Variants in LHFPL6 observed in about 807,000 individuals in gnomAD.
LHFPL6 encodes LHFPL tetraspan subfamily member 6.
In LHFPL6, 9 loss-of-function variants were observed where a neutral mutation model predicts 20.6. That is an observed-to-expected ratio of 0.44 (90% confidence interval 0.26 to 0.76). The LOEUF (loss-of-function observed/expected upper bound fraction) is 0.76, where lower values mean the gene tolerates loss of function less well. LHFPL6 is among the 30% of genes least tolerant of loss of function. LHFPL6 has a pLI of 0.20. For synonymous variants in LHFPL6, 105 were observed against 98.7 expected (o/e 1.06, Z -0.38); for missense variants, 218 against 253.5 (o/e 0.86, Z 0.95).
chr13:39,563,078 G>A, intron 2 of LHFPL6, among the ~76,000 whole-genome samples: 1 of 126,482 alleles, frequency 7.9e-6, no homozygotes, highest in Non-Finnish European at 1.7e-5. Context: ...AAAGGTCATG[G>A]GGCAATACTA....
intron 2 of LHFPL6, among the ~76,000 whole-genome samples, chr13:39,438,726 G>A (rs1414620123): frequency 6.6e-6 from 1 of 152,200 alleles, no homozygotes; most frequent in South Asian, 2.1e-4. Flanking sequence ...GGTTCAAAGG[G>A]GCCCAGGTAA....
intron 3 of LHFPL6, among the ~76,000 whole-genome samples, chr13:39,370,734 C>G (rs1870142674): frequency 6.6e-6 from 1 of 152,204 alleles, no homozygotes; most frequent in Non-Finnish European, 1.5e-5. Context: ...CCTGCCTGAG[C>G]ATGAAGCAAC....
At chr13:39,535,699 G>A (rs915889560) in intron 2 of LHFPL6, among the ~76,000 whole-genome samples, 2 of 152,178 alleles carry the variant, frequency 1.3e-5, no homozygotes, top group Non-Finnish European at 1.5e-5. Flanking sequence ...ACATAGACAT[G>A]TGTGCTATTA....
chr13:39,553,960 C>G (rs1385118035), intron 2 of LHFPL6, among the ~76,000 whole-genome samples: 1 of 152,202 alleles, frequency 6.6e-6, no homozygotes, highest in Non-Finnish European at 1.5e-5. Context: ...AACCCATCAG[C>G]TCACAAGCTT....
intron 2 of LHFPL6, among the ~76,000 whole-genome samples, chr13:39,530,327 C>T (rs1870426812): frequency 6.6e-6 from 1 of 151,418 alleles, no homozygotes. Context: ...ATGCCCAGAT[C>T]CCATTCCATG....
At chr13:39,485,633 C>T (rs145955992) in intron 2 of LHFPL6, among the ~76,000 whole-genome samples, 220 of 152,212 alleles carry the variant, frequency 1.4e-3, no homozygotes, top group African/African-American at 5.0e-3. Context: ...TTGGCTTCCA[C>T]CACTATGAAT....
At chr13:39,448,330 A>G (rs1872347902) in intron 2 of LHFPL6, among the ~76,000 whole-genome samples, 4 of 152,218 alleles carry the variant, frequency 2.6e-5, no homozygotes. Flanking sequence ...ATGGAACACG[A>G]CCTGCTTCTA....
chr13:39,493,306 TA>T (rs201558669), intron 2 of LHFPL6, among the ~76,000 whole-genome samples: 1,266 of 118,248 alleles, frequency 0.011, 5 homozygotes, highest in African/African-American at 0.037. Flanking sequence ...CCATCTCTAC[TA>T]AAAAAAAAAA....
intron 3 of LHFPL6, among the ~76,000 whole-genome samples, chr13:39,362,932 G>A (rs1869915705): frequency 6.6e-6 from 1 of 152,218 alleles, no homozygotes; most frequent in Non-Finnish European, 1.5e-5. Context: ...TTCTCCAGCA[G>A]GAGCTGCCCA....
intron 1 of LHFPL6, among the ~76,000 whole-genome samples, 152 bp downstream of exon 1, chr13:39,602,731 G>A (rs535950441): frequency 2.7e-4 from 41 of 152,354 alleles, no homozygotes; most frequent in African/African-American, 8.7e-4. Context: ...GACGCCAAGA[G>A]CGGACGCGGC....
At chr13:39,499,786 G>C (rs947861970) in intron 2 of LHFPL6, among the ~76,000 whole-genome samples, 1 of 152,238 alleles carries the variant, frequency 6.6e-6, no homozygotes, top group Non-Finnish European at 1.5e-5. Context: ...GATCCAGCAG[G>C]CTGAAAGCCA....
chr13:39,398,971 G>C (rs181216095), intron 2 of LHFPL6, among the ~76,000 whole-genome samples: 2 of 152,316 alleles, frequency 1.3e-5, no homozygotes, highest in Admixed American at 1.3e-4. Flanking sequence ...GTGCCAGAAA[G>C]TTAGGGTTTG....
chr13:39,548,482 A>G (rs565948986), intron 2 of LHFPL6, among the ~76,000 whole-genome samples: 4 of 152,132 alleles, frequency 2.6e-5, no homozygotes, highest in Non-Finnish European at 4.4e-5. Flanking sequence ...GCCGTAGACT[A>G]GGCATGGGAC....
chr13:39,355,697 T>C (rs1174119839), intron 3 of LHFPL6, among the ~76,000 whole-genome samples: 2 of 152,104 alleles, frequency 1.3e-5, no homozygotes, highest in African/African-American at 2.4e-5. Context: ...GAAAGATGTA[T>C]TGTGCAAATG....
At chr13:39,423,720 G>A (rs1871555992) in intron 2 of LHFPL6, among the ~76,000 whole-genome samples, 1 of 152,182 alleles carries the variant, frequency 6.6e-6, no homozygotes. Context: ...TTTCAATGTA[G>A]AAAGAGTCAA....
chr13:39,420,963 TC>T (rs200177433), intron 2 of LHFPL6, among the ~76,000 whole-genome samples: 15 of 151,456 alleles, frequency 9.9e-5, no homozygotes, highest in African/African-American at 1.9e-4. Flanking sequence ...TCTGTGTTTT[TC>T]CCCCCCCTCA....
rs1869289015 is a variant in LHFPL6 at position 39,343,032 on chromosome 13, G to A, written c.*904C>T. ...TGGACAAAAGAAAACACGATCCAATGACTGGAAAATGTCTCTCATTACTCT... is the reference window on the plus strand; with the variant it reads ...TGGACAAAAGAAAACACGATCCAATAACTGGAAAATGTCTCTCATTACTCT... On this transcript the variant is annotated 3_prime_UTR_variant, in exon 4 of 4. Coordinates refer to ENST00000379589, the MANE Select transcript of LHFPL6 (RefSeq NM_005780.3). 1 of 195,878 alleles carries A rather than the reference G, an allele frequency of 5.1e-6. No homozygotes were observed. The highest frequency in any genetic ancestry group is 2.3e-5 in the African/African-American group (1 of 43,320). 12.1% of individuals were successfully genotyped at this position (195,878 alleles called of 1,614,324 possible).
At chr13:39,488,407 G>T (rs762844150) in intron 2 of LHFPL6, among the ~76,000 whole-genome samples, 1 of 152,164 alleles carries the variant, frequency 6.6e-6, no homozygotes, top group Non-Finnish European at 1.5e-5. Context: ...TGAGCTCTGC[G>T]AACAGGTGAT....
chr13:39,485,686 A>T (rs1290772695), intron 2 of LHFPL6, among the ~76,000 whole-genome samples: 1 of 152,232 alleles, frequency 6.6e-6, no homozygotes, highest in African/African-American at 2.4e-5. Flanking sequence ...GAAAATAAGT[A>T]CATTTTCAGG....
Sources: gnomAD v4.1 joint callset for allele counts (sites outside exome capture counted in the v4.1 genomes callset) on GRCh38, gnomAD v4.1.1 for gene constraint, MANE v1.5 for transcripts, NCBI Gene and HGNC (gene_info 2026-07-23, HGNC 2026-07-21) for gene names.